SDK1: variants seen among roughly 807,000 people sequenced by gnomAD.
The protein encoded by SDK1 is sidekick cell adhesion molecule 1, also known as protein sidekick-1.
A neutral mutation model predicts 245.5 loss-of-function variants in SDK1; 157 were observed. The ratio of observed to expected loss-of-function variants is 0.64; its 90% confidence interval spans 0.56 to 0.73. The LOEUF is 0.73. Among genes scored for constraint, SDK1 ranks in the 30% least tolerant of loss-of-function variants. The pLI, the probability that SDK1 is intolerant of heterozygous loss-of-function variation, is 0.00. For synonymous variants in SDK1, 1,647 were observed against 1,278.5 expected (o/e 1.29, Z -6.15); for missense variants, 3,583 against 3,002.3 (o/e 1.19, Z -4.52).
intron 1 of SDK1, among the ~76,000 whole-genome samples, chr7:3,452,053 T>C (rs1780531207): frequency 6.6e-6 from 1 of 152,210 alleles, no homozygotes; most frequent in Admixed American, 6.5e-5. Context: ...GATAGAGAAC[T>C]AAATTTGTAT....
intron 5 of SDK1, among the ~76,000 whole-genome samples, chr7:3,872,783 A>G (rs1476376702): frequency 6.6e-6 from 1 of 152,058 alleles, no homozygotes; most frequent in African/African-American, 2.4e-5. Context: ...AGAGTTCACA[A>G]TATACATTTA....
intron 1 of SDK1, among the ~76,000 whole-genome samples, chr7:3,383,221 G>A (rs1180771232): frequency 6.6e-6 from 1 of 152,098 alleles, no homozygotes; most frequent in Non-Finnish European, 1.5e-5. Context: ...GACCAGCCTG[G>A]GCAATAGTGA....
At chr7:4,069,107 A>G (rs1384037727) in intron 20 of SDK1, among the ~76,000 whole-genome samples, 2 of 152,196 alleles carry the variant, frequency 1.3e-5, no homozygotes, top group Non-Finnish European at 1.5e-5. Flanking sequence ...GTTTGACAAA[A>G]GCAACATAGG....
chr7:3,504,182 A>ATATATGTG (rs375661314), intron 1 of SDK1, among the ~76,000 whole-genome samples: 1 of 131,886 alleles, frequency 7.6e-6, no homozygotes, highest in African/African-American at 2.8e-5. Context: ...ATATATATAT[A>ATATATGTG]TGTGTGTGTG....
At chr7:3,420,630 A>T (rs1468956614) in intron 1 of SDK1, among the ~76,000 whole-genome samples, 1 of 152,214 alleles carries the variant, frequency 6.6e-6, no homozygotes, top group African/African-American at 2.4e-5. Flanking sequence ...TATGTGGCTT[A>T]ACAGTAAGTA....
At chr7:3,761,860 G>A (rs527632435) in intron 4 of SDK1, among the ~76,000 whole-genome samples, 28 of 152,214 alleles carry the variant, frequency 1.8e-4, no homozygotes, top group Middle Eastern at 3.4e-3. Context: ...ATTTGCTTGC[G>A]ACTTGCAGTT....
Position 4,139,834 on chromosome 7 carries a change from C to T in SDK1, c.4229-5888C>T, listed in dbSNP as rs543240245. Among the ~76,000 whole-genome samples, 143 of 152,150 alleles carry T rather than the reference C, an allele frequency of 9.4e-4. 3 individuals are homozygous for T. In the South Asian group the frequency reaches 0.029, roughly 31 times the overall value. On this transcript the variant is annotated intron_variant, in intron 28 of 44. Coordinates refer to ENST00000404826, the MANE Select transcript of SDK1 (RefSeq NM_152744.4). The stretch of plus-strand genomic sequence containing the variant: ...AGAGCTTTAGCACCGCATCAGAGGG[C>T]CTCGCCCTGCGCTGTCTGGGCTGTC...
chr7:3,973,593 G>A (rs1782659190), intron 12 of SDK1, among the ~76,000 whole-genome samples: 1 of 151,990 alleles, frequency 6.6e-6, no homozygotes, highest in Admixed American at 6.6e-5. Context: ...TCATGAGTTG[G>A]GCAATTCCAC....
In SDK1 at chr7:3,652,539, C is replaced by G. The variant is rs376037422; in HGVS notation, c.713+10434C>G. On this transcript the variant is annotated intron_variant, in intron 4 of 44. Transcript: ENST00000404826. ...GTGCTTGTGGAAAATTGAGAGATTT[C>G]TCGTGGATTTTTATTTTCTCTATGA... 2.6e-5 allele frequency among the ~76,000 whole-genome samples: 4 copies of G among 152,128 alleles called. No individual in the cohort carries two copies. The East Asian group carries it at 5.8e-4, about 22-fold the overall frequency.
At chr7:3,814,892 A>G (rs1168069086) in intron 4 of SDK1, among the ~76,000 whole-genome samples, 1 of 151,988 alleles carries the variant, frequency 6.6e-6, no homozygotes, top group Non-Finnish European at 1.5e-5. Flanking sequence ...ATGGGAGTTC[A>G]CTCATGATTT....
intron 5 of SDK1, among the ~76,000 whole-genome samples, chr7:3,935,015 AT>A (rs952658956): frequency 2.0e-5 from 3 of 152,322 alleles, no homozygotes; most frequent in African/African-American, 7.2e-5. Flanking sequence ...CCCCTCTTGT[AT>A]TGGCAAGAAC....
intron 4 of SDK1, among the ~76,000 whole-genome samples, chr7:3,714,730 C>A (rs942566156): frequency 1.3e-5 from 2 of 152,184 alleles, no homozygotes; most frequent in Non-Finnish European, 2.9e-5. Context: ...AAACAAGTTT[C>A]CATGCTTGAA....
chr7:3,789,256 T>C (rs1173284292), intron 4 of SDK1, among the ~76,000 whole-genome samples: 1 of 152,116 alleles, frequency 6.6e-6, no homozygotes, highest in African/African-American at 2.4e-5. Context: ...CAAGCGATTC[T>C]CCTGCCTCAG....
chr7:3,845,488 CAAAAAAAAAAAA>C (rs369588343), intron 5 of SDK1, among the ~76,000 whole-genome samples: 5 of 40,196 alleles, frequency 1.2e-4, no homozygotes, highest in Non-Finnish European at 2.5e-4. Flanking sequence ...GACTCCGTCT[CAAAAAAAAAAAA>C]AAAAAAAAAA....
chr7:4,230,228 C>T (rs1033405357), intron 40 of SDK1, among the ~76,000 whole-genome samples: 13 of 138,800 alleles, frequency 9.4e-5, no homozygotes, highest in African/African-American at 3.5e-4. Flanking sequence ...GATGGATGGA[C>T]GAATGGATAG....
chr7:3,912,740 G>T (rs1215267313), intron 5 of SDK1, among the ~76,000 whole-genome samples: 3 of 152,224 alleles, frequency 2.0e-5, no homozygotes, highest in Non-Finnish European at 4.4e-5. Context: ...TCTGGCCCGT[G>T]GGGGCTCAAG....
At position 4,077,018 on chromosome 7, in the gene SDK1, G is replaced by A. The variant is rs764015744; in HGVS notation, c.3031G>A (p.Val1011Met). Residue 1011 changes from valine to methionine, a missense_variant, in exon 21 of 45, where the codon GTG becomes ATG. Val to Met is a conservative substitution (Grantham distance 21). Coordinates refer to ENST00000404826, the MANE Select transcript of SDK1 (RefSeq NM_152744.4). ...TCTAGGCTATCAGATCTCTTGGGAA[G>A]TGTACGGCAGGAACGACTCTCGTCT... ...IITGYQISWE[V>M]YGRNDSRLTH... 3.1e-6 allele frequency: 5 copies of A among 1,614,116 alleles called. No homozygotes were observed. In the South Asian group the frequency reaches 5.5e-5, roughly 18 times the overall value.
intron 1 of SDK1, among the ~76,000 whole-genome samples, chr7:3,387,295 T>TC (rs559929611): frequency 4.7e-4 from 72 of 152,060 alleles, no homozygotes; most frequent in African/African-American, 1.7e-3. Flanking sequence ...GCCCTCATCC[T>TC]CCCTCCCCAC....
intron 1 of SDK1, among the ~76,000 whole-genome samples, chr7:3,357,053 GA>G (rs35467524): frequency 0.015 from 1,186 of 81,202 alleles, 13 homozygotes; most frequent in African/African-American, 0.042. Flanking sequence ...AGACTCTCTC[GA>G]AAAAAAAAAA....
Sources: allele counts gnomAD v4.1 joint callset (sites outside exome capture counted in the v4.1 genomes callset), GRCh38; gene constraint gnomAD v4.1.1; transcripts MANE v1.5; gene names NCBI Gene and HGNC (gene_info 2026-07-23, HGNC 2026-07-21).